Variants in CLEC4D observed in about 807,000 individuals in gnomAD.
CLEC4D encodes C-type (calcium dependent, carbohydrate-recognition domain) lectin, superfamily member 8.
In CLEC4D, 21 loss-of-function variants were observed where a neutral mutation model predicts 21.1. The ratio of observed to expected loss-of-function variants is 1.00; its 90% CI spans 0.71 to 1.43. CLEC4D has a LOEUF of 1.43. Among genes scored for constraint, CLEC4D ranks in the 40% most tolerant of loss-of-function variants. The pLI is 0.00. For synonymous variants in CLEC4D, 85 were observed against 83.1 expected, an observed-to-expected ratio of 1.02 and a Z score of -0.12; for missense variants, 289 against 260.7, an observed-to-expected ratio of 1.11 and a Z score of -0.75.
chr12:8,519,226 T>TCTCTGTCCTGTTATGC (rs1940425903), intron 4 of CLEC4D, 66 bp downstream of exon 4: 1 of 1,568,506 alleles, frequency 6.4e-7, no homozygotes, highest in Non-Finnish European at 8.6e-7. Flanking sequence ...AAGAGGAATT[T>TCTCTGTCCTGTTATGC]CTCTGTCCTG....
At chr12:8,520,202 A>T in intron 4 of CLEC4D, 24 bp from the exon 5 acceptor site, 2 of 1,611,752 alleles carry the variant, frequency 1.2e-6, no homozygotes, top group Non-Finnish European at 1.7e-6. Flanking sequence ...ATGCAACTAT[A>T]TTAAAATTTA....
At chr12:8,527,973 G>C in the CLEC4D span, among the ~76,000 whole-genome samples, 1 of 152,120 alleles carries the variant, frequency 6.6e-6, no homozygotes, top group Non-Finnish European at 1.5e-5. Context: ...CAGGTGGGCC[G>C]CTGCACCGCT....
At chr12:8,520,161 T>C in intron 4 of CLEC4D, 65 bp from the exon 5 acceptor site, 1 of 1,578,458 alleles carries the variant, frequency 6.3e-7, no homozygotes, top group East Asian at 2.3e-5. Flanking sequence ...ATATTTCCTC[T>C]TTTTCCAACA....
chr12:8,531,125 A>C, the CLEC4D span, among the ~76,000 whole-genome samples: 50,227 of 151,936 alleles, frequency 0.33, 9,712 homozygotes, highest in African/African-American at 0.54. Flanking sequence ...AGACTTTGGG[A>C]CAGTCCAACC....
chr12:8,529,442 C>G, the CLEC4D span, among the ~76,000 whole-genome samples: 1 of 152,118 alleles, frequency 6.6e-6, no homozygotes, highest in Non-Finnish European at 1.5e-5. Flanking sequence ...AAGTGAGACC[C>G]TGTCTCTACA....
chr12:8,521,330 C>T lies in CLEC4D; in HGVS notation c.*59C>T. The T allele has an allele frequency of 6.4e-7, 1 of 1,563,064 alleles. No homozygotes were observed. The highest frequency in any genetic ancestry group is 1.2e-5 in the South Asian group (1 of 83,614). ...AAAAGAAAAACCAATTAGAATAAGG[C>T]AGAATGTACGTGCGTCATTGGAACA... On this transcript the variant is annotated 3_prime_UTR_variant, in exon 6 of 6. Coordinates refer to ENST00000299665, the MANE Select transcript of CLEC4D (RefSeq NM_080387.5).
rs201476517 is a variant in CLEC4D, at chr12:8,513,699, C to A, written c.-34C>A. The stretch of plus-strand genomic sequence containing the variant: ...GAAAAAAAATAGAACAAATTCTTGC[C>A]GTCCTGACCATTGAACAAGAGACTA... On this transcript the variant is annotated 5_prime_UTR_variant, in exon 1 of 6. Coordinates refer to ENST00000299665, the MANE Select transcript of CLEC4D (RefSeq NM_080387.5). The A allele has an allele frequency of 3.1e-6, 3 of 964,874 alleles. No homozygotes were observed. The highest frequency in any genetic ancestry group is 5.1e-6 in the Non-Finnish European group (3 of 591,900). 59.8% of individuals were successfully genotyped at this position (964,874 alleles called of 1,614,324 possible).
At chr12:8,516,086 G>T (rs1468950077) in intron 2 of CLEC4D, among the ~76,000 whole-genome samples, 1 of 152,064 alleles carries the variant, frequency 6.6e-6, no homozygotes, top group East Asian at 1.9e-4. Flanking sequence ...AGATGAAATT[G>T]GTCTCCTGCA....
At chr12:8,516,783 T>C (rs1940387748) in intron 2 of CLEC4D, among the ~76,000 whole-genome samples, 1 of 152,226 alleles carries the variant, frequency 6.6e-6, no homozygotes, top group Non-Finnish European at 1.5e-5. Context: ...GTGCTCCAAA[T>C]GCATGGTTGA....
At chr12:8,519,195 C>T in intron 4 of CLEC4D, 35 bp downstream of exon 4, 1 of 1,592,718 alleles carries the variant, frequency 6.3e-7, no homozygotes, top group Non-Finnish European at 8.6e-7. Context: ...TTCTCTGCTG[C>T]TTTGAATCTC....
At chr12:8,525,474 C>A (rs1940499025), downstream of CLEC4D, among the ~76,000 whole-genome samples, 1 of 151,488 alleles carries the variant, frequency 6.6e-6, no homozygotes, top group African/African-American at 2.4e-5. Context: ...CTTTTTTAAC[C>A]TTTAGTCTGT....
chr12:8,513,761 G>A lies in CLEC4D; in HGVS notation c.28+1G>A, dbSNP rs996666745. The A allele has an allele frequency of 7.4e-6, 8 of 1,081,036 alleles. No homozygotes were observed. Among genetic ancestry groups the A allele is most frequent in the South Asian group, 3.8e-5 (3 of 79,664 alleles). 67.0% of individuals were successfully genotyped at this position (1,081,036 alleles called of 1,614,324 possible). A position where few individuals can be genotyped will look rare whatever the true frequency, so the allele number is the denominator to read the frequency against. ...GGGCTAGAAAAACCTCAAAGTAAACGTGAGTACTTTCTCTCCTTTCCATTT... is the reference window on the plus strand; with the variant it reads ...GGGCTAGAAAAACCTCAAAGTAAACATGAGTACTTTCTCTCCTTTCCATTT... On this transcript the variant is annotated splice_donor_variant, in intron 1 of 5. Coordinates refer to ENST00000299665, the MANE Select transcript of CLEC4D (RefSeq NM_080387.5). LOFTEE classifies it high-confidence loss of function.
intron 2 of CLEC4D, among the ~76,000 whole-genome samples, chr12:8,517,853 G>C (rs2136385950): frequency 6.6e-6 from 1 of 152,258 alleles, no homozygotes; most frequent in Admixed American, 6.5e-5. Context: ...GGCTGAGGCA[G>C]GAGAATGATG....
At chr12:8,531,110 C>T in the CLEC4D span, among the ~76,000 whole-genome samples, 1 of 152,162 alleles carries the variant, frequency 6.6e-6, no homozygotes, top group Non-Finnish European at 1.5e-5. Context: ...CTAGCTCAGG[C>T]TTTGAGACTT....
At position 8,521,459 on chromosome 12, in the gene CLEC4D, T is replaced by A; in HGVS notation, c.*188T>A. 8.4e-7 allele frequency: 1 copy of A among 1,193,556 alleles called. No homozygotes were observed. Among genetic ancestry groups the A allele is most frequent in the Non-Finnish European group, 1.1e-6 (1 of 921,970 alleles). 73.9% of individuals were successfully genotyped at this position (1,193,556 alleles called of 1,614,324 possible). A position where few individuals can be genotyped will look rare whatever the true frequency, so the allele number is the denominator to read the frequency against. On this transcript the variant is annotated 3_prime_UTR_variant, in exon 6 of 6. Transcript: ENST00000299665. ...GTGTGTATGTGTGTGTGTGTGTGTG[T>A]AGATAATGTGGTTTTTGTATGGTGT... is the stretch of plus-strand genomic sequence containing the variant.
downstream of CLEC4D, among the ~76,000 whole-genome samples, chr12:8,522,543 G>A (rs917577323): frequency 6.6e-6 from 1 of 152,082 alleles, no homozygotes; most frequent in Non-Finnish European, 1.5e-5. Flanking sequence ...GGTGATGGAT[G>A]CGTGTAGCTG....
Position 8,521,840 on chromosome 12 carries a change from CA to C in CLEC4D, c.*570del, listed in dbSNP as rs1218928766. ...AATAGTTCTGAATTATGCTGTTCTA[CA>C]GATAGAAAAAAAGTCCAAATGCCTT... On this transcript the variant is annotated 3_prime_UTR_variant, in exon 6 of 6. Coordinates refer to ENST00000299665, the MANE Select transcript of CLEC4D (RefSeq NM_080387.5). 6.6e-6 allele frequency: 1 copy of C among 152,102 alleles called. No homozygotes were observed. The highest frequency in any genetic ancestry group is 1.5e-5 in the Non-Finnish European group (1 of 67,998). The allele number at this position is 152,102 out of a possible 1,614,324, so 9.4% of individuals were successfully genotyped here. A position where few individuals can be genotyped will look rare whatever the true frequency, so the allele number is the denominator to read the frequency against.
chr12:8,531,096 C>T, the CLEC4D span, among the ~76,000 whole-genome samples: 63 of 152,280 alleles, frequency 4.1e-4, no homozygotes, highest in African/African-American at 1.5e-3. Flanking sequence ...GCGTCCTCCT[C>T]ACTCTAGCTC....
chr12:8,519,080 A>G lies in CLEC4D; in HGVS notation c.304A>G (p.Asn102Asp). The change falls in exon 4 of 6, where the codon AAC (asparagine) becomes GAC (aspartate). Residue 102 changes from asparagine to aspartate, a missense_variant. By Grantham distance (23) the Asn-to-Asp change is conservative. Transcript: ENST00000299665. ...CAACTGCTATTTTCCTCTTACTGAC[A>G]ACAAGACGTGGGCTGAGAGTGAAAG... ...QSNCYFPLTD[N>D]KTWAESERNC... 1.9e-6 allele frequency: 3 copies of G among 1,614,160 alleles called. No homozygotes were observed. The highest frequency in any genetic ancestry group is 2.5e-6 in the Non-Finnish European group (3 of 1,180,016).
Sources: gnomAD v4.1 joint callset for allele counts (sites outside exome capture counted in the v4.1 genomes callset) on GRCh38, gnomAD v4.1.1 for gene constraint, MANE v1.5 for transcripts, NCBI Gene and HGNC (gene_info 2026-07-23, HGNC 2026-07-21) for gene names.